ADAMTSL1: variants seen among roughly 807,000 people sequenced by gnomAD.
The protein encoded by ADAMTSL1 is ADAMTS like 1.
A neutral mutation model predicts 201.8 loss-of-function variants in ADAMTSL1; 126 were observed. The ratio of observed to expected loss-of-function variants is 0.62; its 90% confidence interval spans 0.54 to 0.72. ADAMTSL1 has a LOEUF of 0.72. ADAMTSL1 is among the 30% of genes least tolerant of loss of function. The probability of loss-of-function intolerance (pLI) is 0.00; values close to 1 mark genes in which losing one functional copy is unlikely to be tolerated. For synonymous variants in ADAMTSL1, 1,121 were observed against 903.4 expected (o/e 1.24, Z -4.32); for missense variants, 2,679 against 2,277.8 (o/e 1.18, Z -3.59).
intron 1 of ADAMTSL1, among the ~76,000 whole-genome samples, chr9:17,948,352 C>T (rs1260072661): frequency 2.6e-5 from 4 of 152,164 alleles, no homozygotes; most frequent in Admixed American, 1.3e-4. Context: ...CTGCATTTTC[C>T]ATTGCTCCAG....
At chr9:18,233,103 C>G (rs1301843214) in intron 2 of ADAMTSL1, among the ~76,000 whole-genome samples, 2 of 152,162 alleles carry the variant, frequency 1.3e-5, no homozygotes, top group African/African-American at 4.8e-5. Context: ...AACAATAACT[C>G]AGACTCCAGA....
chr9:18,282,435 CT>C (rs1437812545), intron 2 of ADAMTSL1, among the ~76,000 whole-genome samples: 1 of 152,142 alleles, frequency 6.6e-6, no homozygotes, highest in Non-Finnish European at 1.5e-5. Flanking sequence ...TCATGGGTTA[CT>C]TTGAATTGTA....
chr9:18,068,171 T>C (rs1240914025), intron 1 of ADAMTSL1, among the ~76,000 whole-genome samples: 5 of 152,070 alleles, frequency 3.3e-5, no homozygotes, highest in Admixed American at 3.3e-4. Flanking sequence ...CCCTTAGAAA[T>C]GGACTGTTTA....
At chr9:18,401,688 T>A (rs558086235) in intron 2 of ADAMTSL1, among the ~76,000 whole-genome samples, 2 of 152,332 alleles carry the variant, frequency 1.3e-5, no homozygotes, top group South Asian at 4.2e-4. Context: ...TGCCTTCTTT[T>A]TTTTACAGTG....
intron 2 of ADAMTSL1, among the ~76,000 whole-genome samples, chr9:18,420,847 C>T (rs1444911694): frequency 6.6e-6 from 1 of 152,104 alleles, no homozygotes; most frequent in Admixed American, 6.6e-5. Flanking sequence ...GTCTCGAATG[C>T]CAACTCTGAA....
intron 1 of ADAMTSL1, among the ~76,000 whole-genome samples, chr9:17,933,530 T>A (rs2131325088): frequency 6.6e-6 from 1 of 152,270 alleles, no homozygotes; most frequent in African/African-American, 2.4e-5. Flanking sequence ...CTTGTATTAG[T>A]CCATTCTCAC....
chr9:18,234,265 G>A (rs990676354), intron 2 of ADAMTSL1, among the ~76,000 whole-genome samples: 1 of 152,218 alleles, frequency 6.6e-6, no homozygotes, highest in African/African-American at 2.4e-5. Flanking sequence ...GAGAACGAGT[G>A]TGTGAGCAGG....
chr9:18,291,698 C>A (rs1042889768), intron 2 of ADAMTSL1, among the ~76,000 whole-genome samples: 2 of 130,026 alleles, frequency 1.5e-5, no homozygotes, highest in East Asian at 2.2e-4. Context: ...TGCGCACATG[C>A]TCTCTCTCTC....
chr9:18,649,204 C>T (rs201007694), intron 7 of ADAMTSL1, among the ~76,000 whole-genome samples: 3 of 152,190 alleles, frequency 2.0e-5, no homozygotes, highest in Non-Finnish European at 4.4e-5. Flanking sequence ...TCTGCATTCT[C>T]CACGTAGTTC....
chr9:18,180,532 CAAAAAAAAAAA>C (rs71333030), intron 2 of ADAMTSL1, among the ~76,000 whole-genome samples: 35 of 92,124 alleles, frequency 3.8e-4, no homozygotes, highest in Non-Finnish European at 4.5e-4. Context: ...GACTCCGTGT[CAAAAAAAAAAA>C]AAAAAAAAAA....
Position 18,611,127 on chromosome 9 carries a change from T to G in ADAMTSL1, c.475-11116T>G, listed in dbSNP as rs143974237. 2.6e-3 allele frequency among the ~76,000 whole-genome samples: 394 copies of G among 152,270 alleles called. 2 individuals are homozygous for G. Among genetic ancestry groups the G allele is most frequent in the African/African-American group, 9.2e-3 (383 of 41,556 alleles). On this transcript the variant is annotated intron_variant, in intron 4 of 28. Transcript: ENST00000380548. ...GTTTAAACAAAAACTGTGTACTGTATGCCCAGCAGCAGAAGGGAGTCTGAG... is the reference window on the plus strand; with the variant it reads ...GTTTAAACAAAAACTGTGTACTGTAGGCCCAGCAGCAGAAGGGAGTCTGAG...
intron 1 of ADAMTSL1, among the ~76,000 whole-genome samples, chr9:18,494,443 G>A (rs761156730): frequency 6.6e-6 from 1 of 151,930 alleles, no homozygotes; most frequent in African/African-American, 2.4e-5. Context: ...GCATCTTAGA[G>A]CAGGAGCAGG....
At chr9:18,180,840 G>C (rs200319460) in intron 2 of ADAMTSL1, among the ~76,000 whole-genome samples, 7 of 151,992 alleles carry the variant, frequency 4.6e-5, no homozygotes, top group Admixed American at 6.6e-5. Context: ...CAATCCTAAG[G>C]CAAAAGAACA....
intron 1 of ADAMTSL1, among the ~76,000 whole-genome samples, chr9:18,138,975 C>A (rs549354016): frequency 6.6e-6 from 1 of 152,036 alleles, no homozygotes; most frequent in Admixed American, 6.6e-5. Context: ...AATCTGGAGA[C>A]GTGGATTTTA....
At chr9:18,222,370 T>C (rs1830292626) in intron 2 of ADAMTSL1, among the ~76,000 whole-genome samples, 1 of 151,640 alleles carries the variant, frequency 6.6e-6, no homozygotes, top group Non-Finnish European at 1.5e-5. Context: ...ATTTTATTTA[T>C]TTAATTTGGA....
chr9:17,922,524 T>A (rs777102790), intron 1 of ADAMTSL1, among the ~76,000 whole-genome samples: 32 of 152,136 alleles, frequency 2.1e-4, no homozygotes, highest in Non-Finnish European at 4.3e-4. Flanking sequence ...CGGTACCCCC[T>A]CCATTCCCAC....
At position 17,911,060 on chromosome 9, in the gene ADAMTSL1, C is replaced by G. The variant is rs546773449; in HGVS notation, c.87+4138C>G. 1.2e-3 allele frequency among the ~76,000 whole-genome samples: 85 copies of G among 68,512 alleles called. 37 individuals carry two copies. The South Asian group carries it at 0.086, about 69-fold the overall frequency. 44.9% of individuals were successfully genotyped at this position (68,512 alleles called of 152,430 possible). A position where few individuals can be genotyped will look rare whatever the true frequency, so the allele number is the denominator to read the frequency against. ...GGAATGATGTTTGAGCTATATTCTCCAAATAGTCCAAAGAACAATTTTAAT... is the reference window on the plus strand; with the variant it reads ...GGAATGATGTTTGAGCTATATTCTCGAAATAGTCCAAAGAACAATTTTAAT... On this transcript the variant is annotated intron_variant, in intron 1 of 29. Transcript: ENST00000680146.
chr9:18,155,203 T>A (rs1396042656), intron 1 of ADAMTSL1, among the ~76,000 whole-genome samples: 8 of 152,074 alleles, frequency 5.3e-5, no homozygotes, highest in African/African-American at 1.9e-4. Context: ...AACTTTAAGG[T>A]TTGTGAAACA....
At chr9:18,764,865 G>A (rs923603855) in intron 16 of ADAMTSL1, among the ~76,000 whole-genome samples, 2 of 152,144 alleles carry the variant, frequency 1.3e-5, no homozygotes, top group Non-Finnish European at 2.9e-5. Flanking sequence ...TTATCAACAT[G>A]TTGTTACATA....
Sources: allele counts gnomAD v4.1 joint callset (sites outside exome capture counted in the v4.1 genomes callset), GRCh38; gene constraint gnomAD v4.1.1; transcripts MANE v1.5; gene names NCBI Gene and HGNC (gene_info 2026-07-23, HGNC 2026-07-21).